The following ALPK2 variants were observed in gnomAD, a reference collection of about 807,000 sequenced individuals.
The protein encoded by ALPK2 is alpha-protein kinase 2.
ALPK2 carries 127 observed loss-of-function variants against 163.1 expected under a neutral mutation model. The ratio of observed to expected loss-of-function variants is 0.78; its 90% CI spans 0.67 to 0.90. The LOEUF is 0.90. Ranked by LOEUF, ALPK2 falls within the 40% of genes least tolerant of loss-of-function variation. The pLI is 0.00. For missense variants in ALPK2, 2,360 were observed against 2,589.6 expected, an observed-to-expected ratio of 0.91 and a Z score of 1.92; for synonymous variants, 953 against 959.1, an observed-to-expected ratio of 0.99 and a Z score of 0.12.
intron 1 of ALPK2, among the ~76,000 whole-genome samples, chr18:58,614,435 G>C (rs188750087): frequency 1.3e-5 from 2 of 152,148 alleles, no homozygotes; most frequent in African/African-American, 4.8e-5. Context: ...TGGGGCTCCG[G>C]TTCATACATG....
At chr18:58,499,999 G>A (rs1382028623) in intron 11 of ALPK2, among the ~76,000 whole-genome samples, 1 of 152,234 alleles carries the variant, frequency 6.6e-6, no homozygotes, top group Non-Finnish European at 1.5e-5. Flanking sequence ...CTGGGAGCAT[G>A]GCAAAAACAA....
chr18:58,564,615 C>G (rs1025530234), intron 4 of ALPK2, among the ~76,000 whole-genome samples: 1 of 151,352 alleles, frequency 6.6e-6, no homozygotes, highest in African/African-American at 2.4e-5. Flanking sequence ...AAGCCACAGT[C>G]TCTTCCACTT....
intron 10 of ALPK2, among the ~76,000 whole-genome samples, chr18:58,508,232 C>CA (rs1189478927): frequency 5.7e-4 from 87 of 151,870 alleles, no homozygotes; most frequent in African/African-American, 1.9e-3. Flanking sequence ...AAACAAACAA[C>CA]AAAAAAAACC....
At position 58,537,898 on chromosome 18, in the gene ALPK2, A is replaced by C; in HGVS notation, c.2289T>G (p.Asp763Glu). ...CAGGCTCCCTGAAGTCAGCACGAGC[A>C]TCCTTGGGGAGATGCCTTGAGAACA... ...PGVFSRHLPK[D>E]ARADFREPVA... The change falls in exon 5 of 13, where the codon GAT becomes GAG. Residue 763 changes from aspartate (D) to glutamate (E), a missense_variant. Transcript: ENST00000361673. 1 of 1,614,214 alleles carries C rather than the reference A, an allele frequency of 6.2e-7. No homozygotes were observed. The highest frequency in any genetic ancestry group is 8.5e-7 in the Non-Finnish European group (1 of 1,180,024).
chr18:58,573,382 G>GTA (rs199640953), intron 4 of ALPK2, among the ~76,000 whole-genome samples: 3,714 of 138,562 alleles, frequency 0.027, 101 homozygotes, highest in East Asian at 0.092. Context: ...ATATGTGTGT[G>GTA]TATATATATA....
chr18:58,534,973 C>T lies in ALPK2; in HGVS notation c.5214G>A (p.Leu1738=). 6.2e-7 allele frequency: 1 copy of T among 1,614,166 alleles called. No homozygotes were observed. The highest frequency in any genetic ancestry group is 1.1e-5 in the South Asian group (1 of 91,078). Residue 1738 remains leucine, a synonymous_variant, in exon 5 of 13, where the codon CTG becomes CTA. Coordinates refer to ENST00000361673, the MANE Select transcript of ALPK2 (RefSeq NM_052947.4). ...TTTCCTTTTCTTCCAGTTTCAGCCT[C>T]AGTGCTGCCACCCTGGACAAAATTT... ...KKKILSRVAA[L]RLKLEEKENI...
chr18:58,611,295 T>C, intron 2 of ALPK2, among the ~76,000 whole-genome samples: 2 of 4,444 alleles, frequency 4.5e-4, no homozygotes, highest in South Asian at 0.053. Context: ...AAAAAAAAAG[T>C]CAATTAAAGA....
chr18:58,577,108 C>A (rs1356280168), intron 4 of ALPK2, among the ~76,000 whole-genome samples: 2 of 152,158 alleles, frequency 1.3e-5, no homozygotes, highest in Non-Finnish European at 2.9e-5. Flanking sequence ...AGATAGATGA[C>A]CTGGGTCCCA....
At chr18:58,526,133 G>A (rs1338642115) in intron 6 of ALPK2, among the ~76,000 whole-genome samples, 35 of 152,172 alleles carry the variant, frequency 2.3e-4, no homozygotes. Flanking sequence ...CTCTTACCCT[G>A]TAAGGGACAA....
intron 12 of ALPK2, among the ~76,000 whole-genome samples, chr18:58,484,351 T>C (rs796878762): frequency 4.4e-4 from 67 of 152,282 alleles, no homozygotes; most frequent in African/African-American, 1.6e-3. Context: ...CATTGACTCA[T>C]GTTGTCCAGT....
intron 10 of ALPK2, among the ~76,000 whole-genome samples, chr18:58,505,037 T>C (rs2051454766): frequency 6.6e-6 from 1 of 151,918 alleles, no homozygotes; most frequent in Non-Finnish European, 1.5e-5. Context: ...GGGAGACCAT[T>C]TGGAAAACTT....
intron 4 of ALPK2, among the ~76,000 whole-genome samples, chr18:58,567,253 A>G (rs1460152768): frequency 2.0e-5 from 3 of 150,624 alleles, no homozygotes; most frequent in Non-Finnish European, 4.4e-5. Flanking sequence ...GCGTGATGGC[A>G]GGCCCCTGAG....
At chr18:58,518,845 G>A (rs1021337269) in intron 8 of ALPK2, among the ~76,000 whole-genome samples, 1 of 152,156 alleles carries the variant, frequency 6.6e-6, no homozygotes, top group Non-Finnish European at 1.5e-5. Flanking sequence ...CTCTAAAAAT[G>A]CACCATTCTT....
At chr18:58,487,172 T>C (rs1384337030) in intron 12 of ALPK2, among the ~76,000 whole-genome samples, 4 of 143,756 alleles carry the variant, frequency 2.8e-5, no homozygotes, top group African/African-American at 1.0e-4. Context: ...TCATTACAGA[T>C]GGAATTTCTT....
At chr18:58,519,720 T>C (rs1440337687) in intron 8 of ALPK2, among the ~76,000 whole-genome samples, 1 of 152,194 alleles carries the variant, frequency 6.6e-6, no homozygotes, top group East Asian at 1.9e-4. Flanking sequence ...GAGCTGGAGT[T>C]CTAGGTGGAA....
chr18:58,625,253 G>A (rs569084985), intron 1 of ALPK2, among the ~76,000 whole-genome samples: 29 of 151,760 alleles, frequency 1.9e-4, no homozygotes, highest in African/African-American at 6.8e-4. Context: ...CACACTCAGT[G>A]TCACCCCCAG....
At chr18:58,586,814 T>C (rs1602230089) in intron 3 of ALPK2, among the ~76,000 whole-genome samples, 1 of 150,754 alleles carries the variant, frequency 6.6e-6, no homozygotes, top group South Asian at 2.1e-4. Context: ...AGGCAGTAGA[T>C]TACAATTGGG....
chr18:58,551,587 G>A (rs747178724), intron 4 of ALPK2, among the ~76,000 whole-genome samples: 1 of 152,150 alleles, frequency 6.6e-6, no homozygotes, highest in Non-Finnish European at 1.5e-5. Flanking sequence ...TTTCCAGCCT[G>A]TCCTTTTGGC....
At chr18:58,494,003 C>T (rs1377634964) in intron 12 of ALPK2, among the ~76,000 whole-genome samples, 1 of 152,118 alleles carries the variant, frequency 6.6e-6, no homozygotes, top group East Asian at 1.9e-4. Flanking sequence ...ACTGCAATCT[C>T]GTCGCCTCCC....
Sources: allele counts gnomAD v4.1 joint callset (sites outside exome capture counted in the v4.1 genomes callset), GRCh38; gene constraint gnomAD v4.1.1; transcripts MANE v1.5; gene names NCBI Gene and HGNC (gene_info 2026-07-23, HGNC 2026-07-21).